Variants in KIAA0232 observed in about 807,000 individuals in gnomAD.
KIAA0232 encodes uncharacterized protein KIAA0232.
In KIAA0232, 27 loss-of-function variants were observed where a neutral mutation model predicts 122.0. That is an observed-to-expected ratio of 0.22 (90% confidence interval 0.16 to 0.31). The LOEUF is 0.31. KIAA0232 is among the 10% of genes least tolerant of loss of function. KIAA0232 has a pLI of 1.00. For synonymous variants in KIAA0232, 613 were observed against 587.6 expected (o/e 1.04, Z -0.63); for missense variants, 1,551 against 1,634.2 (o/e 0.95, Z 0.88).
chr4:6,836,336 GTT>G (rs572669996), intron 3 of KIAA0232, among the ~76,000 whole-genome samples: 3 of 136,286 alleles, frequency 2.2e-5, no homozygotes, highest in Admixed American at 7.4e-5. Context: ...TTTTTGTTTT[GTT>G]TTTTTTTTTT....
At chr4:6,821,651 T>C (rs1718429780) in intron 2 of KIAA0232, among the ~76,000 whole-genome samples, 1 of 150,432 alleles carries the variant, frequency 6.6e-6, no homozygotes, top group South Asian at 2.1e-4. Context: ...GATACGTGTA[T>C]ATACGTGTAT....
intron 4 of KIAA0232, among the ~76,000 whole-genome samples, chr4:6,845,941 G>C (rs934137607): frequency 2.0e-5 from 3 of 152,186 alleles, no homozygotes; most frequent in Non-Finnish European, 4.4e-5. Context: ...GGTAGAAACA[G>C]TGCAAGGGAA....
intron 1 of KIAA0232, among the ~76,000 whole-genome samples, chr4:6,783,144 C>T (rs1716429542): frequency 2.0e-5 from 3 of 151,584 alleles, no homozygotes; most frequent in Admixed American, 1.3e-4. Flanking sequence ...CTGATGGCTC[C>T]GGGGCCAGCC....
At chr4:6,803,011 C>CA (rs746215162) in intron 1 of KIAA0232, among the ~76,000 whole-genome samples, 2,103 of 47,880 alleles carry the variant, frequency 0.044, 44 homozygotes, top group African/African-American at 0.089. Flanking sequence ...CTGTCTTGAC[C>CA]AAAAAAAAAA....
rs80117460 is a variant in KIAA0232, at chr4:6,868,534, G to A, written c.3802-3040G>A. 3.9e-5 allele frequency among the ~76,000 whole-genome samples: 6 copies of A among 152,292 alleles called. No homozygotes were observed. In the East Asian group the frequency reaches 1.2e-3, roughly 29 times the overall value. ...TGAGAGCAGGCTTCCTCGCCAAGGT[G>A]CAATTTAAGGAAATACTTAGAGGTA... is the stretch of plus-strand genomic sequence containing the variant. On this transcript the variant is annotated intron_variant, in intron 7 of 9. Transcript: ENST00000307659.
intron 2 of KIAA0232, among the ~76,000 whole-genome samples, chr4:6,811,307 G>C (rs1333161318): frequency 6.6e-6 from 1 of 152,140 alleles, no homozygotes; most frequent in African/African-American, 2.4e-5. Flanking sequence ...TGTCTTTTGC[G>C]GCAACGTTGG....
rs146820166 is a variant in KIAA0232 at position 6,849,283 on chromosome 4, G to A, written c.369+7079G>A. ...AGATGTGGGGTAGAGATAAGGGGAG[G>A]AGACAAGGAAGACAGCCAAGGGTTT... On this transcript the variant is annotated intron_variant, in intron 4 of 9. Coordinates refer to ENST00000307659, the MANE Select transcript of KIAA0232 (RefSeq NM_014743.3). Among the ~76,000 whole-genome samples, 794 of 152,234 alleles carry A rather than the reference G, an allele frequency of 5.2e-3. 5 individuals are homozygous for A. The highest frequency in any genetic ancestry group is 9.4e-3 in the Non-Finnish European group (637 of 68,010).
At chr4:6,868,398 G>A (rs1357879974) in intron 7 of KIAA0232, among the ~76,000 whole-genome samples, 1 of 152,188 alleles carries the variant, frequency 6.6e-6, no homozygotes, top group Non-Finnish European at 1.5e-5. Context: ...CAATAAACAT[G>A]TTAAGTTATA....
In KIAA0232 at chr4:6,861,325, G is replaced by A. The variant is rs761405865; in HGVS notation, c.943G>A (p.Val315Ile). The change falls in exon 7 of 10, where the codon GTA becomes ATA. Residue 315 changes from valine (V) to isoleucine (I), a missense_variant. By Grantham distance (29) the Val-to-Ile change is conservative. This residue lies in a region of KIAA0232 where 377 missense variants were observed against 381.7 expected (regional missense o/e 0.99). Coordinates refer to ENST00000307659, the MANE Select transcript of KIAA0232 (RefSeq NM_014743.3). ...AAAAGCATCCATGAAGTATGTTAAA[G>A]TAAGACACAAGGCACGAGAGATTCG... is the stretch of plus-strand genomic sequence containing the variant. ...ELKASMKYVK[V>I]RHKAREIRNK... is the part of the protein sequence containing the mutation. The A allele has an allele frequency of 6.2e-7, 1 of 1,614,172 alleles. No individual in the cohort carries two copies. The highest frequency in any genetic ancestry group is 8.5e-7 in the Non-Finnish European group (1 of 1,180,036).
At chr4:6,821,682 A>G (rs890403760) in intron 2 of KIAA0232, among the ~76,000 whole-genome samples, 2 of 56,312 alleles carry the variant, frequency 3.6e-5, no homozygotes, top group African/African-American at 1.4e-4. Context: ...ATATACATGT[A>G]TATATGTGTG....
intron 3 of KIAA0232, among the ~76,000 whole-genome samples, chr4:6,836,207 C>T (rs1315569133): frequency 6.6e-6 from 1 of 152,180 alleles, no homozygotes; most frequent in Non-Finnish European, 1.5e-5. Context: ...ATTTGCATTT[C>T]TCTGATGACC....
chr4:6,873,818 A>T (rs1047044135), intron 8 of KIAA0232, among the ~76,000 whole-genome samples: 3 of 152,204 alleles, frequency 2.0e-5, no homozygotes, highest in Non-Finnish European at 4.4e-5. Context: ...AAGTCCCTGC[A>T]TATTTGCCCT....
chr4:6,785,580 G>A (rs1249509687), intron 1 of KIAA0232, among the ~76,000 whole-genome samples: 1 of 152,200 alleles, frequency 6.6e-6, no homozygotes, highest in African/African-American at 2.4e-5. Context: ...TAAAACCTCA[G>A]ATTACTTGCT....
chr4:6,820,769 T>C (rs1477289025), intron 2 of KIAA0232, among the ~76,000 whole-genome samples: 2 of 152,246 alleles, frequency 1.3e-5, no homozygotes, highest in African/African-American at 4.8e-5. Flanking sequence ...GGATCCACAT[T>C]TTGTTCTGTC....
intron 3 of KIAA0232, among the ~76,000 whole-genome samples, chr4:6,837,644 G>GAGC: frequency 6.6e-6 from 1 of 152,364 alleles, no homozygotes; most frequent in African/African-American, 2.4e-5. Context: ...GAGTGAGCGA[G>GAGC]ACTCCGTCTG....
At chr4:6,802,884 G>T (rs753686944) in intron 1 of KIAA0232, among the ~76,000 whole-genome samples, 22 of 151,804 alleles carry the variant, frequency 1.4e-4, no homozygotes, top group Non-Finnish European at 2.9e-4. Flanking sequence ...ATAGCTGGGG[G>T]CAGTGGCTCA....
At chr4:6,871,882 G>A (rs966718723) in intron 8 of KIAA0232, among the ~76,000 whole-genome samples, 200 bp downstream of exon 8, 1 of 152,228 alleles carries the variant, frequency 6.6e-6, no homozygotes, top group Non-Finnish European at 1.5e-5. Flanking sequence ...TGATGGAGGG[G>A]AAAGGCATGG....
At chr4:6,791,500 T>A (rs964575463) in intron 1 of KIAA0232, among the ~76,000 whole-genome samples, 5 of 151,632 alleles carry the variant, frequency 3.3e-5, no homozygotes, top group Non-Finnish European at 7.4e-5. Flanking sequence ...AGCTAATTTT[T>A]AAATTTTTTG....
intron 1 of KIAA0232, among the ~76,000 whole-genome samples, chr4:6,788,609 G>A (rs1010017323): frequency 6.6e-6 from 1 of 152,174 alleles, no homozygotes; most frequent in Non-Finnish European, 1.5e-5. Context: ...GAGATGTAGA[G>A]GAAAATCTTA....
Sources: gnomAD v4.1 joint callset for allele counts (sites outside exome capture counted in the v4.1 genomes callset) on GRCh38, gnomAD v4.1.1 for gene constraint, gnomAD v4.1.1 regional missense constraint, MANE v1.5 for transcripts, NCBI Gene and HGNC (gene_info 2026-07-23, HGNC 2026-07-21) for gene names.